Variants in MBNL2 observed in about 807,000 individuals in gnomAD.
The protein encoded by MBNL2 is muscleblind-like protein 2.
In MBNL2, 17 loss-of-function variants were observed where a neutral mutation model predicts 41.9. That is an observed-to-expected ratio of 0.41 (90% CI 0.28 to 0.61). MBNL2 has a LOEUF of 0.61. MBNL2 is among the 20% of genes least tolerant of loss of function. MBNL2 has a pLI of 0.35. For synonymous variants in MBNL2, 195 were observed against 182.9 expected (o/e 1.07, Z -0.53); for missense variants, 336 against 505.6 (o/e 0.66, Z 3.22).
intron 8 of MBNL2, among the ~76,000 whole-genome samples, chr13:97,382,016 C>T (rs557238440): frequency 6.6e-6 from 1 of 152,246 alleles, no homozygotes; most frequent in African/African-American, 2.4e-5. Context: ...TTCAGTGAAG[C>T]AGCCTATTTA....
chr13:97,257,224 A>G (rs983006946), intron 1 of MBNL2, among the ~76,000 whole-genome samples: 2 of 150,260 alleles, frequency 1.3e-5, no homozygotes, highest in African/African-American at 4.9e-5. Context: ...TGGTTCTCTT[A>G]GAGAAGGAGG....
intron 8 of MBNL2, among the ~76,000 whole-genome samples, chr13:97,390,934 C>A (rs1361105696): frequency 6.6e-6 from 1 of 152,068 alleles, no homozygotes; most frequent in Non-Finnish European, 1.5e-5. Context: ...TCAGTACAAA[C>A]AAATTCTCTG....
intron 2 of MBNL2, among the ~76,000 whole-genome samples, chr13:97,303,258 T>C: frequency 6.6e-6 from 1 of 152,092 alleles, no homozygotes; most frequent in East Asian, 1.9e-4. Context: ...GGACAGGAGC[T>C]GGCAATGCAG....
At chr13:97,382,699 G>T (rs1056749450) in intron 8 of MBNL2, among the ~76,000 whole-genome samples, 11 of 149,032 alleles carry the variant, frequency 7.4e-5, no homozygotes, top group African/African-American at 2.2e-4. Flanking sequence ...TTTGAAAAGG[G>T]TGTCTCACTC....
intron 2 of MBNL2, among the ~76,000 whole-genome samples, chr13:97,289,026 T>C (rs2055252745): frequency 6.6e-6 from 1 of 152,214 alleles, no homozygotes; most frequent in Non-Finnish European, 1.5e-5. Context: ...CTTAGAGGCC[T>C]TAACCTAGTT....
rs923696224 is a variant in MBNL2 at position 97,346,529 on chromosome 13, G to A, written c.541-275G>A. On this transcript the variant is annotated intron_variant, in intron 4 of 8. Coordinates refer to ENST00000679496, the MANE Select transcript of MBNL2 (RefSeq NM_001382683.1). The surrounding 1 kb of genome is among the most constrained non-coding windows in gnomAD (Gnocchi z 4.2). The stretch of plus-strand genomic sequence containing the variant: ...GCTACCCAGGGACAATGGAGGCCTT[G>A]TTGCTTTTCCTTTGTTATTTTAGCT... Among the ~76,000 whole-genome samples the A allele has an allele frequency of 2.6e-5, 4 of 152,184 alleles. No individual in the cohort carries two copies. Among genetic ancestry groups the A allele is most frequent in the African/African-American group, 9.7e-5 (4 of 41,444 alleles).
intron 7 of MBNL2, among the ~76,000 whole-genome samples, chr13:97,358,518 A>C (rs2063160771): frequency 6.6e-6 from 1 of 152,156 alleles, no homozygotes; most frequent in African/African-American, 2.4e-5. Flanking sequence ...AAGTCAGATA[A>C]AAGTAAAAAA....
At chr13:97,152,061 T>C in the MBNL2 span, among the ~76,000 whole-genome samples, 2 of 152,150 alleles carry the variant, frequency 1.3e-5, no homozygotes, top group East Asian at 1.9e-4. Flanking sequence ...ATAAAGAAAT[T>C]TGAAATTAAA....
chr13:97,351,792 G>A (rs1016996994), intron 5 of MBNL2, among the ~76,000 whole-genome samples: 6 of 152,156 alleles, frequency 3.9e-5, no homozygotes, highest in African/African-American at 1.4e-4. Context: ...GCGGGGCAGA[G>A]GTGGGTGGAT....
intron 2 of MBNL2, among the ~76,000 whole-genome samples, chr13:97,284,291 G>C (rs77938585): frequency 1.3e-5 from 2 of 152,084 alleles, no homozygotes; most frequent in African/African-American, 2.4e-5. Flanking sequence ...GGTTGGGGAA[G>C]TTGGGGGAGA....
chr13:97,386,779 C>A (rs149395941), intron 8 of MBNL2, among the ~76,000 whole-genome samples: 11 of 152,262 alleles, frequency 7.2e-5, no homozygotes, highest in Non-Finnish European at 1.5e-4. Flanking sequence ...TGAGCAGAAT[C>A]ATCAGATTCT....
At chr13:97,345,710 G>A (rs1256807575) in intron 4 of MBNL2, among the ~76,000 whole-genome samples, 1 of 152,020 alleles carries the variant, frequency 6.6e-6, no homozygotes, top group East Asian at 1.9e-4. Context: ...TCTTTGTAGA[G>A]CAGGAGAGAA....
chr13:97,369,838 T>G (rs2064196134), intron 8 of MBNL2, among the ~76,000 whole-genome samples: 1 of 152,188 alleles, frequency 6.6e-6, no homozygotes, highest in South Asian at 2.1e-4. Context: ...ATAAAATGTT[T>G]TTTGATTATT....
chr13:97,213,464 G>A, the MBNL2 span, among the ~76,000 whole-genome samples: 2 of 152,136 alleles, frequency 1.3e-5, no homozygotes, highest in African/African-American at 4.8e-5. Flanking sequence ...TTGGAAATTT[G>A]CAATGCACAT....
At position 97,347,150 on chromosome 13, in the gene MBNL2, C is replaced by T. The variant is rs1469632501; in HGVS notation, c.804+83C>T. On this transcript the variant is annotated intron_variant, in intron 5 of 8. Coordinates refer to ENST00000679496, the MANE Select transcript of MBNL2 (RefSeq NM_001382683.1). ...GCTGGGACTTGGATGTTCTTCCAAA[C>T]ACTCGGGAAACATGGAAGGCTGCTA... is the stretch of plus-strand genomic sequence containing the variant. 1.6e-5 allele frequency: 17 copies of T among 1,067,026 alleles called. No homozygotes were observed. In the Admixed American group the frequency reaches 2.5e-4, roughly 16 times the overall value. The allele number at this position is 1,067,026 out of a possible 1,614,324, so 66.1% of individuals were successfully genotyped here.
chr13:97,236,011 G>A lies in MBNL2; in HGVS notation c.-605+13480G>A, dbSNP rs552717856. Among the ~76,000 whole-genome samples the A allele has an allele frequency of 3.3e-5, 5 of 152,308 alleles. No individual in the cohort carries two copies. In the South Asian group the frequency reaches 8.3e-4, roughly 25 times the overall value. ...GGCGTTGGAGCTGACCTGCCCTGGC[G>A]GAGGCTGGGGAGGGTGGAGAAGGGC... is the stretch of plus-strand genomic sequence containing the variant. On this transcript the variant is annotated intron_variant, in intron 1 of 8. Coordinates refer to ENST00000679496, the MANE Select transcript of MBNL2 (RefSeq NM_001382683.1).
intron 2 of MBNL2, among the ~76,000 whole-genome samples, chr13:97,284,935 A>G (rs2054123867): frequency 6.6e-6 from 1 of 152,168 alleles, no homozygotes; most frequent in South Asian, 2.1e-4. Context: ...GTTTTTACTC[A>G]TTTTGCTTTG....
At position 97,360,645 on chromosome 13, in the gene MBNL2, T is replaced by G. The variant is rs189695859; in HGVS notation, c.1012+3010T>G. ...AGTGGCAGGCACGGTTATTTGCATTTTGCAGATGGAAAAACTGAGGCTGTG... is the reference window on the plus strand; with the variant it reads ...AGTGGCAGGCACGGTTATTTGCATTGTGCAGATGGAAAAACTGAGGCTGTG... On this transcript the variant is annotated intron_variant, in intron 7 of 8. Coordinates refer to ENST00000679496, the MANE Select transcript of MBNL2 (RefSeq NM_001382683.1). Among the ~76,000 whole-genome samples the G allele has an allele frequency of 2.0e-3, 311 of 152,346 alleles. 2 individuals carry two copies. Among genetic ancestry groups the G allele is most frequent in the African/African-American group, 7.0e-3 (293 of 41,578 alleles).
the MBNL2 span, among the ~76,000 whole-genome samples, chr13:97,154,723 C>A: frequency 6.6e-6 from 1 of 152,040 alleles, no homozygotes; most frequent in African/African-American, 2.4e-5. Flanking sequence ...GCCTTTATCC[C>A]TCATGTCTAG....
Sources: gnomAD v4.1 joint callset for allele counts (sites outside exome capture counted in the v4.1 genomes callset) on GRCh38, gnomAD v4.1.1 for gene constraint, Gnocchi (gnomAD v3.1) non-coding constraint, MANE v1.5 for transcripts, NCBI Gene and HGNC (gene_info 2026-07-23, HGNC 2026-07-21) for gene names.